EML5: variants seen among roughly 807,000 people sequenced by gnomAD.
EML5 encodes the protein EMAP like 5.
Under a neutral mutation model 250.0 loss-of-function variants are expected in EML5, and 120 were observed. That is an observed-to-expected ratio of 0.48 (90% confidence interval 0.41 to 0.56). The LOEUF is 0.56. Among genes scored for constraint, EML5 ranks in the 20% least tolerant of loss-of-function variants. The probability of loss-of-function intolerance (pLI) is 0.00; values close to 1 mark genes in which losing one functional copy is unlikely to be tolerated. For missense variants in EML5, 2,006 were observed against 2,437.6 expected, an observed-to-expected ratio of 0.82 and a Z score of 3.73; for synonymous variants, 771 against 806.5, an observed-to-expected ratio of 0.96 and a Z score of 0.75.
intron 7 of EML5, among the ~76,000 whole-genome samples, chr14:88,731,049 A>C (rs1365318284): frequency 6.6e-6 from 1 of 152,098 alleles, no homozygotes; most frequent in Non-Finnish European, 1.5e-5. Context: ...TTTTGTAGTT[A>C]TAACAGCTGC....
At chr14:88,791,388 T>G (rs558946630) in intron 1 of EML5, among the ~76,000 whole-genome samples, 1 of 152,316 alleles carries the variant, frequency 6.6e-6, no homozygotes, top group Middle Eastern at 3.4e-3. Context: ...TAATATATTT[T>G]CCTCTGTAAA....
chr14:88,762,529 C>T (rs74352481), intron 1 of EML5, among the ~76,000 whole-genome samples: 1 of 151,706 alleles, frequency 6.6e-6, no homozygotes, highest in South Asian at 2.1e-4. Context: ...AAAAAAGAAA[C>T]TTACAAAGAG....
At chr14:88,647,710 A>AAAAG (rs2091424669) in intron 28 of EML5, among the ~76,000 whole-genome samples, 1 of 149,262 alleles carries the variant, frequency 6.7e-6, no homozygotes, top group East Asian at 2.0e-4. Flanking sequence ...AAAAAAAAAA[A>AAAAG]GGGTTACTCC....
Position 88,690,394 on chromosome 14 carries a change from T to C in EML5, c.2540-1921A>G, listed in dbSNP as rs1440885779. Among the ~76,000 whole-genome samples, 4 of 152,094 alleles carry C rather than the reference T, an allele frequency of 2.6e-5. No homozygotes were observed. In the East Asian group the frequency reaches 5.8e-4, roughly 22 times the overall value. ...AGGCTATTTCAATCATCTGGGCAAA[T>C]GGTAAATGTGGCAGACCAAAGTGAT... On this transcript the variant is annotated intron_variant, in intron 17 of 43. Transcript: ENST00000554922.
intron 9 of EML5, among the ~76,000 whole-genome samples, chr14:88,714,356 ATAG>A (rs2093457444): frequency 6.6e-6 from 1 of 152,200 alleles, no homozygotes. Context: ...CAAAGGATTT[ATAG>A]TAGTAGTTGC....
chr14:88,661,215 A>C (rs1439482008), intron 25 of EML5, among the ~76,000 whole-genome samples: 2 of 152,132 alleles, frequency 1.3e-5, no homozygotes, highest in African/African-American at 4.8e-5. Flanking sequence ...CAGCCTCCTG[A>C]GTAGCTAGGA....
At chr14:88,626,208 T>G (rs935890037) in intron 35 of EML5, 1 of 152,282 alleles carries the variant, frequency 6.6e-6, no homozygotes, top group African/African-American at 2.4e-5. Flanking sequence ...TACCTTTCTC[T>G]CTGACAAATT....
intron 10 of EML5, among the ~76,000 whole-genome samples, chr14:88,707,869 C>T (rs1032887615): frequency 3.9e-5 from 6 of 152,194 alleles, no homozygotes; most frequent in African/African-American, 7.2e-5. Flanking sequence ...TTGGCTACTA[C>T]TACTACCTTT....
At chr14:88,624,937 C>G in intron 36 of EML5, 33 bp downstream of exon 36, 1 of 1,609,010 alleles carries the variant, frequency 6.2e-7, no homozygotes, top group Non-Finnish European at 8.5e-7. Context: ...GTCACAAATG[C>G]ATAAATATTC....
At chr14:88,767,702 G>T (rs1404933563) in intron 1 of EML5, among the ~76,000 whole-genome samples, 1 of 151,910 alleles carries the variant, frequency 6.6e-6, no homozygotes, top group Non-Finnish European at 1.5e-5. Context: ...ATTTTTTTAA[G>T]AAGTGTTTTA....
chr14:88,726,913 G>A (rs2093674628), intron 7 of EML5, among the ~76,000 whole-genome samples: 1 of 152,144 alleles, frequency 6.6e-6, no homozygotes, highest in African/African-American at 2.4e-5. Flanking sequence ...CTGTCACTCA[G>A]GTTGGAGTGC....
At chr14:88,634,289 C>CCCT (rs2090601929) in intron 33 of EML5, among the ~76,000 whole-genome samples, 180 bp downstream of exon 33, 4 of 152,166 alleles carry the variant, frequency 2.6e-5, no homozygotes, top group Admixed American at 6.5e-5. Flanking sequence ...TGAGGCCTCC[C>CCCT]CAGCCCCATT....
intron 26 of EML5, 97 bp downstream of exon 26, chr14:88,658,090 T>C: frequency 5.6e-6 from 7 of 1,259,880 alleles, no homozygotes; most frequent in Middle Eastern, 4.0e-4. Context: ...ACTACAATTA[T>C]TCAAACATTA....
At chr14:88,709,472 C>A (rs1268427258) in intron 10 of EML5, among the ~76,000 whole-genome samples, 1 of 152,032 alleles carries the variant, frequency 6.6e-6, no homozygotes, top group African/African-American at 2.4e-5. Context: ...GGAGAAAACA[C>A]AGAAGACCAA....
rs2088666014 is a variant in EML5 at position 88,620,375 on chromosome 14, G to T, written c.5375+379C>A. The T allele has an allele frequency of 6.1e-6, 1 of 164,232 alleles. No individual in the cohort carries two copies. The highest frequency in any genetic ancestry group is 2.0e-4 in the South Asian group (1 of 4,942). 10.2% of individuals were successfully genotyped at this position (164,232 alleles called of 1,614,324 possible). On this transcript the variant is annotated intron_variant, in intron 39 of 43. Transcript: ENST00000554922. This position sits in a 1 kb window ranked among gnomAD's most constrained non-coding sequence, Gnocchi z 4.3. ...ATGAACTACATATTCCCAAACTGAG[G>T]TTACTAAGAGAAGATATGTTTGAAA...
At chr14:88,724,004 C>G (rs890064979) in intron 8 of EML5, among the ~76,000 whole-genome samples, 5 of 152,104 alleles carry the variant, frequency 3.3e-5, no homozygotes, top group South Asian at 4.1e-4. Flanking sequence ...GGCACAGTAG[C>G]TCACGCCTGT....
Position 88,640,988 on chromosome 14 carries a change from A to G in EML5, c.4237+1905T>C, listed in dbSNP as rs10146045. On this transcript the variant is annotated intron_variant, in intron 31 of 43. Coordinates refer to ENST00000554922, the MANE Select transcript of EML5 (RefSeq NM_183387.3). ...GATGTTAGTTGTGGGCCTCTAAAAA[A>G]AGAAGAAGAAGAAGAAGAAAAATCT... Among the ~76,000 whole-genome samples, 586 of 150,826 alleles carry G rather than the reference A, an allele frequency of 3.9e-3. 6 individuals are homozygous for G. The highest frequency in any genetic ancestry group is 0.014 in the African/African-American group (559 of 40,610).
chr14:88,738,803 T>C, intron 6 of EML5, 76 bp downstream of exon 6: 3 of 1,449,252 alleles, frequency 2.1e-6, no homozygotes, highest in East Asian at 2.5e-5. Context: ...CTTACATTTA[T>C]ACTCACTGAA....
chr14:88,708,013 C>T (rs1382393404), intron 10 of EML5, among the ~76,000 whole-genome samples: 2 of 152,168 alleles, frequency 1.3e-5, no homozygotes, highest in African/African-American at 4.8e-5. Flanking sequence ...ATCTCAGCAT[C>T]TGATCTGCCT....
Sources: allele counts gnomAD v4.1 joint callset (sites outside exome capture counted in the v4.1 genomes callset), GRCh38; gene constraint gnomAD v4.1.1; non-coding constraint Gnocchi (gnomAD v3.1); transcripts MANE v1.5; gene names NCBI Gene and HGNC (gene_info 2026-07-23, HGNC 2026-07-21).